Variants in ZNF385D observed in about 807,000 individuals in gnomAD.
ZNF385D encodes the protein zinc finger protein 659.
A neutral mutation model predicts 35.8 loss-of-function variants in ZNF385D; 15 were observed. The observed-to-expected ratio is 0.42, with a 90% CI of 0.28 to 0.64. ZNF385D has a LOEUF of 0.64. Among genes scored for constraint, ZNF385D ranks in the 30% least tolerant of loss-of-function variants. The probability of loss-of-function intolerance (pLI) is 0.23; values close to 1 mark genes in which losing one functional copy is unlikely to be tolerated. For missense variants in ZNF385D, 474 were observed against 494.6 expected, an observed-to-expected ratio of 0.96 and a Z score of 0.39; for synonymous variants, 212 against 186.8, an observed-to-expected ratio of 1.13 and a Z score of -1.10.
chr3:21,993,798 T>C (rs1238232968), intron 3 of ZNF385D, among the ~76,000 whole-genome samples: 1 of 152,164 alleles, frequency 6.6e-6, no homozygotes, highest in Non-Finnish European at 1.5e-5. Flanking sequence ...CAAGACCACA[T>C]ATAGCGTCCT....
chr3:22,359,554 T>C (rs921905407), intron 2 of ZNF385D, among the ~76,000 whole-genome samples: 10 of 151,986 alleles, frequency 6.6e-5, no homozygotes, highest in African/African-American at 2.2e-4. Context: ...TAATATATAA[T>C]GATAACGGAG....
At chr3:21,723,096 G>A (rs2068609454) in intron 1 of ZNF385D, among the ~76,000 whole-genome samples, 2 of 152,144 alleles carry the variant, frequency 1.3e-5, no homozygotes. Context: ...ACAAAGGAAA[G>A]CTAACAAAGA....
At chr3:22,367,006 G>A (rs1345530028) in intron 2 of ZNF385D, among the ~76,000 whole-genome samples, 3 of 152,108 alleles carry the variant, frequency 2.0e-5, no homozygotes, top group Non-Finnish European at 4.4e-5. Flanking sequence ...CTGGCTTTTG[G>A]CCAGTGATAC....
chr3:22,252,588 A>C (rs1700117741), intron 2 of ZNF385D, among the ~76,000 whole-genome samples: 1 of 152,062 alleles, frequency 6.6e-6, no homozygotes, highest in Non-Finnish European at 1.5e-5. Flanking sequence ...GCATTGTGCT[A>C]AGTATTTACC....
intron 3 of ZNF385D, among the ~76,000 whole-genome samples, chr3:21,890,335 G>C (rs1241753140): frequency 6.6e-6 from 1 of 152,074 alleles, no homozygotes; most frequent in African/African-American, 2.4e-5. Context: ...TAAAAGTTAT[G>C]GGGCCAGGAG....
intron 2 of ZNF385D, among the ~76,000 whole-genome samples, chr3:22,336,592 C>T (rs1695169801): frequency 6.6e-6 from 1 of 151,980 alleles, no homozygotes; most frequent in Non-Finnish European, 1.5e-5. Flanking sequence ...AGCTATTTTC[C>T]ACAACACATC....
At chr3:21,590,039 G>C (rs977817353) in intron 2 of ZNF385D, among the ~76,000 whole-genome samples, 1 of 152,100 alleles carries the variant, frequency 6.6e-6, no homozygotes, top group African/African-American at 2.4e-5. Flanking sequence ...GGACAAGTAG[G>C]CATGTGCAAG....
chr3:21,674,033 G>T (rs1215451175), intron 1 of ZNF385D, among the ~76,000 whole-genome samples: 1 of 152,074 alleles, frequency 6.6e-6, no homozygotes, highest in Admixed American at 6.6e-5. Context: ...TTGTTACATG[G>T]TCTTGTTTAC....
intron 2 of ZNF385D, among the ~76,000 whole-genome samples, chr3:22,324,073 A>G (rs1481600805): frequency 6.6e-6 from 1 of 151,860 alleles, no homozygotes; most frequent in Non-Finnish European, 1.5e-5. Context: ...ATAAAATTCC[A>G]TAATTGTGCT....
In ZNF385D at chr3:21,597,485, T is replaced by C. The variant is rs186262010; in HGVS notation, c.166-32801A>G. 3.9e-5 allele frequency among the ~76,000 whole-genome samples: 6 copies of C among 152,106 alleles called. No individual in the cohort carries two copies. The East Asian group carries it at 1.2e-3, about 29-fold the overall frequency. ...ACATACAAATGAAATGGCATAGGAA[T>C]TTATAAAGGAGAAAGAGAGAATGAG... On this transcript the variant is annotated intron_variant, in intron 2 of 7. Coordinates refer to ENST00000281523, the MANE Select transcript of ZNF385D (RefSeq NM_024697.3).
At chr3:22,004,970 AGCTTTG>A (rs1358069965) in intron 3 of ZNF385D, among the ~76,000 whole-genome samples, 1 of 144,488 alleles carries the variant, frequency 6.9e-6, no homozygotes, top group Non-Finnish European at 1.5e-5. Flanking sequence ...GGGTGTCCTT[AGCTTTG>A]GCAAAATAAA....
chr3:21,507,109 A>G (rs1424008453), intron 4 of ZNF385D, among the ~76,000 whole-genome samples: 3 of 152,168 alleles, frequency 2.0e-5, no homozygotes, highest in Non-Finnish European at 2.9e-5. Flanking sequence ...AAAATTTAAG[A>G]GGAATTATCA....
chr3:21,975,917 G>A (rs1359737067), intron 3 of ZNF385D, among the ~76,000 whole-genome samples: 3 of 152,026 alleles, frequency 2.0e-5, no homozygotes, highest in Non-Finnish European at 2.9e-5. Context: ...CAAGCATCAA[G>A]TGTGTTGAAA....
chr3:21,810,750 G>T (rs1198253556), intron 3 of ZNF385D, among the ~76,000 whole-genome samples: 1 of 151,836 alleles, frequency 6.6e-6, no homozygotes. Flanking sequence ...AATCAAATGG[G>T]ATTAGATGCA....
At chr3:22,059,460 T>C (rs74662175) in intron 3 of ZNF385D, among the ~76,000 whole-genome samples, 1 of 152,304 alleles carries the variant, frequency 6.6e-6, no homozygotes, top group Non-Finnish European at 1.5e-5. Context: ...TATTTTCTTC[T>C]AGGAAACACT....
At chr3:22,249,852 TATGCC>T (rs1241893222) in intron 2 of ZNF385D, among the ~76,000 whole-genome samples, 4 of 152,180 alleles carry the variant, frequency 2.6e-5, no homozygotes, top group Admixed American at 2.6e-4. Flanking sequence ...GATGGATGTA[TATGCC>T]ATGTCAGCTT....
intron 3 of ZNF385D, among the ~76,000 whole-genome samples, chr3:22,157,738 T>C (rs548508736): frequency 1.1e-4 from 16 of 152,168 alleles, no homozygotes; most frequent in Admixed American, 9.8e-4. Flanking sequence ...AACTATTGAA[T>C]TGAAATTTAT....
At chr3:22,193,353 G>C (rs538623992) in intron 2 of ZNF385D, among the ~76,000 whole-genome samples, 12 of 152,024 alleles carry the variant, frequency 7.9e-5, no homozygotes, top group African/African-American at 2.2e-4. Context: ...CTATTACAAA[G>C]TGATACAATC....
At chr3:22,313,946 A>G (rs951704807) in intron 2 of ZNF385D, among the ~76,000 whole-genome samples, 3 of 151,820 alleles carry the variant, frequency 2.0e-5, no homozygotes, top group Non-Finnish European at 4.4e-5. Flanking sequence ...CAGTTATCCT[A>G]TTGCTTTGGG....
Sources: gnomAD v4.1 joint callset for allele counts (sites outside exome capture counted in the v4.1 genomes callset) on GRCh38, gnomAD v4.1.1 for gene constraint, MANE v1.5 for transcripts, NCBI Gene and HGNC (gene_info 2026-07-23, HGNC 2026-07-21) for gene names.